BIRC6: variants seen among roughly 807,000 people sequenced by gnomAD.
BIRC6 encodes the protein baculoviral IAP repeat containing 6.
A neutral mutation model predicts 503.3 loss-of-function variants in BIRC6; 98 were observed. The observed-to-expected ratio is 0.19, with a 90% CI of 0.17 to 0.23. The LOEUF (loss-of-function observed/expected upper bound fraction) is 0.23. Among genes scored for constraint, BIRC6 ranks in the 10% least tolerant of loss-of-function variants. The pLI is 1.00. For synonymous variants in BIRC6, 2,240 were observed against 2,078.7 expected, an observed-to-expected ratio of 1.08 and a Z score of -2.11; for missense variants, 5,360 against 5,806.0, an observed-to-expected ratio of 0.92 and a Z score of 2.50.
At chr2:32,387,344 T>A (rs1230726816) in intron 3 of BIRC6, among the ~76,000 whole-genome samples, 1 of 151,522 alleles carries the variant, frequency 6.6e-6, no homozygotes, top group Admixed American at 6.6e-5. Flanking sequence ...CATGTTTTTG[T>A]CTACAAGTTT....
At chr2:32,476,181 TA>T in intron 33 of BIRC6, 31 bp from the exon 34 acceptor site, 2 of 1,499,470 alleles carry the variant, frequency 1.3e-6, no homozygotes, top group Non-Finnish European at 1.8e-6. Flanking sequence ...TTAACGTTGT[TA>T]AAGATTAAGT....
chr2:32,413,082 C>A (rs2042062412), intron 9 of BIRC6, among the ~76,000 whole-genome samples: 1 of 151,230 alleles, frequency 6.6e-6, no homozygotes, highest in Admixed American at 6.6e-5. Context: ...GATCTCAGCT[C>A]ACTGCAACTT....
intron 9 of BIRC6, among the ~76,000 whole-genome samples, chr2:32,413,295 C>G (rs1380661638): frequency 6.6e-6 from 1 of 151,778 alleles, no homozygotes; most frequent in Non-Finnish European, 1.5e-5. Flanking sequence ...ATTTTCCAGC[C>G]CCAGCCTCCT....
At position 32,443,511 on chromosome 2, in the gene BIRC6, G is replaced by T. The variant is rs1265534399; in HGVS notation, c.4259G>T (p.Cys1420Phe). The T allele has an allele frequency of 6.2e-7, 1 of 1,606,402 alleles. No individual in the cohort carries two copies. The highest frequency in any genetic ancestry group is 1.1e-5 in the South Asian group (1 of 88,956). ...TTCAGTAATGGCAAATGTGACCCATGTCAACCAGCATTTGGACCTGTTCTG... is the reference window on the plus strand; with the variant it reads ...TTCAGTAATGGCAAATGTGACCCATTTCAACCAGCATTTGGACCTGTTCTG... Reference protein sequence around the residue: ...LCISNGKCDPCQPAFGPVLLK... With the variant: ...LCISNGKCDPFQPAFGPVLLK... The change falls in exon 20 of 74, where the codon TGT becomes TTT. Residue 1420 changes from cysteine to phenylalanine, a missense_variant. Coordinates refer to ENST00000421745, the MANE Select transcript of BIRC6 (RefSeq NM_016252.4).
intron 69 of BIRC6, among the ~76,000 whole-genome samples, chr2:32,598,224 C>G (rs977572814): frequency 6.8e-6 from 1 of 146,280 alleles, no homozygotes; most frequent in African/African-American, 2.5e-5. Context: ...CCACAAAGAG[C>G]CCTTTTCTAA....
intron 45 of BIRC6, among the ~76,000 whole-genome samples, chr2:32,496,015 G>A (rs965569857): frequency 1.3e-5 from 2 of 151,626 alleles, no homozygotes; most frequent in Non-Finnish European, 2.9e-5. Flanking sequence ...TTTTGTTTTT[G>A]TAGTTTTAGT....
intron 39 of BIRC6, among the ~76,000 whole-genome samples, chr2:32,484,640 T>A (rs1315067223): frequency 3.3e-5 from 5 of 152,186 alleles, no homozygotes; most frequent in African/African-American, 1.2e-4. Context: ...TGCCTTTTTT[T>A]ATTCAGTGAA....
chr2:32,535,628 C>G (rs1031692543), intron 61 of BIRC6, among the ~76,000 whole-genome samples: 3 of 152,200 alleles, frequency 2.0e-5, no homozygotes, highest in Non-Finnish European at 4.4e-5. Context: ...CTACAAAGGA[C>G]ATGAACTCAT....
chr2:32,464,367 G>A (rs957264766), intron 24 of BIRC6, 142 bp from the exon 25 acceptor site: 193 of 1,068,412 alleles, frequency 1.8e-4, no homozygotes, highest in Non-Finnish European at 1.3e-4. Flanking sequence ...CATTTATATC[G>A]AGTCCAGTTT....
At chr2:32,492,648 C>A (rs958098925) in intron 44 of BIRC6, among the ~76,000 whole-genome samples, 5 of 151,730 alleles carry the variant, frequency 3.3e-5, no homozygotes, top group African/African-American at 1.2e-4. Flanking sequence ...CAAGGCATTG[C>A]AAAAAATAAT....
At chr2:32,614,580 C>T (rs2063109711) in intron 73 of BIRC6, among the ~76,000 whole-genome samples, 1 of 152,198 alleles carries the variant, frequency 6.6e-6, no homozygotes, top group Non-Finnish European at 1.5e-5. Flanking sequence ...ATAATCCCAA[C>T]ACTTTGGGAG....
At chr2:32,521,112 G>C (rs1044668311) in intron 57 of BIRC6, among the ~76,000 whole-genome samples, 1 of 151,854 alleles carries the variant, frequency 6.6e-6, no homozygotes, top group African/African-American at 2.4e-5. Flanking sequence ...AACCTACTTA[G>C]CGATTTTTTT....
intron 37 of BIRC6, 122 bp from the exon 38 acceptor site, chr2:32,481,198 A>G: frequency 1.3e-6 from 1 of 770,794 alleles, no homozygotes; most frequent in Non-Finnish European, 2.0e-6. Flanking sequence ...GCATACATAG[A>G]GTTTTTTTTT....
chr2:32,448,566 A>T (rs1468036620), intron 21 of BIRC6, among the ~76,000 whole-genome samples: 1 of 151,946 alleles, frequency 6.6e-6, no homozygotes, highest in East Asian at 2.0e-4. Flanking sequence ...CAGGAGAATC[A>T]GGCAGGGAGG....
intron 61 of BIRC6, among the ~76,000 whole-genome samples, chr2:32,538,878 A>G (rs2057443825): frequency 6.6e-6 from 1 of 152,226 alleles, no homozygotes; most frequent in South Asian, 2.1e-4. Flanking sequence ...CCTGCACTGC[A>G]GCCTGGGTGA....
chr2:32,480,491 G>T (rs2050259244), intron 37 of BIRC6, among the ~76,000 whole-genome samples: 1 of 151,958 alleles, frequency 6.6e-6, no homozygotes, highest in Non-Finnish European at 1.5e-5. Flanking sequence ...TTGAATAAGA[G>T]GATAGGAATG....
chr2:32,521,427 A>G (rs372146228), intron 57 of BIRC6, among the ~76,000 whole-genome samples: 35 of 146,968 alleles, frequency 2.4e-4, no homozygotes, highest in Non-Finnish European at 4.6e-4. Context: ...AAACTGGCCA[A>G]AAAGGAAGTG....
chr2:32,382,928 T>A (rs1302253949), intron 3 of BIRC6, among the ~76,000 whole-genome samples: 1 of 152,084 alleles, frequency 6.6e-6, no homozygotes, highest in Non-Finnish European at 1.5e-5. Context: ...TTCACTATGT[T>A]GGTCAGGCTG....
At chr2:32,579,329 C>G (rs901718214) in intron 66 of BIRC6, among the ~76,000 whole-genome samples, 1 of 151,972 alleles carries the variant, frequency 6.6e-6, no homozygotes, top group Non-Finnish European at 1.5e-5. Context: ...TAATTTTGAT[C>G]TGATAATTCA....
Sources: allele counts gnomAD v4.1 joint callset (sites outside exome capture counted in the v4.1 genomes callset), GRCh38; gene constraint gnomAD v4.1.1; transcripts MANE v1.5; gene names NCBI Gene and HGNC (gene_info 2026-07-23, HGNC 2026-07-21).